GSG1L: variants seen among roughly 807,000 people sequenced by gnomAD.
GSG1L encodes GSG1 like.
Under a neutral mutation model 42.1 loss-of-function variants are expected in GSG1L, and 24 were observed. The ratio of observed to expected loss-of-function variants is 0.57; its 90% CI spans 0.41 to 0.80. The LOEUF (loss-of-function observed/expected upper bound fraction) is 0.80. GSG1L is among the 30% of genes least tolerant of loss of function. The pLI is 0.00. For missense variants in GSG1L, 445 were observed against 472.2 expected (o/e 0.94, Z 0.53); for synonymous variants, 215 against 203.5 (o/e 1.06, Z -0.48).
chr16:27,827,856 TTCCA>T (rs72231743), intron 5 of GSG1L, among the ~76,000 whole-genome samples: 30,971 of 127,884 alleles, frequency 0.24, 3,710 homozygotes, highest in African/African-American at 0.37. Flanking sequence ...CCACTCACCA[TTCCA>T]TCCATCCATC....
intron 3 of GSG1L, among the ~76,000 whole-genome samples, chr16:27,861,038 A>C (rs16977025): frequency 0.02 from 3,022 of 152,244 alleles, 114 homozygotes; most frequent in African/African-American, 0.07. Context: ...CATTAGCCTG[A>C]ACCCTCTAAT....
intron 1 of GSG1L, among the ~76,000 whole-genome samples, chr16:27,975,895 A>G (rs1341280763): frequency 6.6e-6 from 1 of 152,174 alleles, no homozygotes; most frequent in African/African-American, 2.4e-5. Flanking sequence ...CCCTCACGGA[A>G]CTTCCATTCT....
intron 1 of GSG1L, among the ~76,000 whole-genome samples, chr16:28,010,440 G>GC (rs1009806262): frequency 4.6e-5 from 7 of 152,256 alleles, no homozygotes; most frequent in African/African-American, 1.4e-4. Context: ...GGACACAGAG[G>GC]CCCCCTCTGA....
chr16:27,824,364 C>T (rs989743431), intron 5 of GSG1L, among the ~76,000 whole-genome samples: 1 of 152,184 alleles, frequency 6.6e-6, no homozygotes, highest in Non-Finnish European at 1.5e-5. Flanking sequence ...TTCCACAGCA[C>T]CCTCTGTCCC....
At chr16:27,947,156 T>C (rs2084882369) in intron 2 of GSG1L, among the ~76,000 whole-genome samples, 1 of 152,150 alleles carries the variant, frequency 6.6e-6, no homozygotes, top group African/African-American at 2.4e-5. Flanking sequence ...AGACAGAGTC[T>C]TGCTCTGTCA....
chr16:27,863,024 T>C (rs1194636719), intron 3 of GSG1L, among the ~76,000 whole-genome samples: 1 of 152,212 alleles, frequency 6.6e-6, no homozygotes. Context: ...TTTTGTCTGT[T>C]TCTCCATTAG....
intron 5 of GSG1L, 39 bp from the exon 6 acceptor site, chr16:27,807,593 G>T: frequency 6.4e-7 from 1 of 1,563,746 alleles, no homozygotes. Context: ...TCCTAGGTAG[G>T]AAAGAGAAGG....
intron 2 of GSG1L, among the ~76,000 whole-genome samples, chr16:27,889,028 G>A (rs144369687): frequency 2.4e-3 from 371 of 151,864 alleles, no homozygotes; most frequent in African/African-American, 8.2e-3. Flanking sequence ...TCTTTGTCCA[G>A]GCTGGAGAGC....
chr16:28,003,366 G>T (rs1567551665), intron 1 of GSG1L, among the ~76,000 whole-genome samples: 1 of 152,192 alleles, frequency 6.6e-6, no homozygotes, highest in Non-Finnish European at 1.5e-5. Flanking sequence ...TGGGAGCTGG[G>T]CAACCTCTCT....
Position 28,063,369 on chromosome 16 carries a change from G to T in GSG1L, c.56C>A (p.Ala19Glu). ...GAAAGCGGTGGTGGCGAACAGCAGC[G>T]CCAGCAGGTTCAGGGCCACGGCCAG... ...ALLAVALNLL[A>E]LLFATTAFLT... The change falls in exon 1 of 7, where the codon GCG (alanine) becomes GAG (glutamate). Residue 19 changes from alanine (A) to glutamate (E), a missense_variant. Ala to Glu is a moderately radical substitution (Grantham distance 107). Coordinates refer to ENST00000447459, the MANE Select transcript of GSG1L (RefSeq NM_001109763.2). The surrounding 1 kb of genome is among the most constrained non-coding windows in gnomAD (Gnocchi z 5.8). 7.1e-7 allele frequency: 1 copy of T among 1,401,196 alleles called. No individual in the cohort carries two copies. Among genetic ancestry groups the T allele is most frequent in the Non-Finnish European group, 9.3e-7 (1 of 1,070,342 alleles). 86.8% of individuals were successfully genotyped at this position (1,401,196 alleles called of 1,614,324 possible).
At chr16:27,803,780 TATATATATATATATAGATAG>T (rs1279376801) in intron 6 of GSG1L, among the ~76,000 whole-genome samples, 971 of 83,070 alleles carry the variant, frequency 0.012, 21 homozygotes, top group African/African-American at 0.046. Context: ...TATATATATA[TATATATATATATATAGATAG>T]ATAGATATAG....
chr16:27,831,622 T>G (rs996992612), intron 4 of GSG1L, among the ~76,000 whole-genome samples: 5 of 152,210 alleles, frequency 3.3e-5, no homozygotes, highest in African/African-American at 1.2e-4. Context: ...TGGAGGGAAC[T>G]TCCCTGGGGA....
rs549507433 is a variant in GSG1L at position 27,830,672 on chromosome 16, C to G, written c.663-1716G>C. On this transcript the variant is annotated intron_variant, in intron 4 of 6. Transcript: ENST00000447459. The stretch of plus-strand genomic sequence containing the variant: ...AAAGTGTCCAGCATGTGACTCACCA[C>G]CCCCCACCATTCATAGATGACGGGA... 2.1e-4 allele frequency among the ~76,000 whole-genome samples: 32 copies of G among 152,296 alleles called. No individual in the cohort carries two copies. In the East Asian group the frequency reaches 3.3e-3, roughly 16 times the overall value.
intron 4 of GSG1L, 96 bp downstream of exon 4, chr16:27,844,854 C>T (rs1373833813): frequency 1.1e-5 from 3 of 279,126 alleles, no homozygotes; most frequent in South Asian, 1.1e-4. Flanking sequence ...CTCCTCCCCC[C>T]CACCGCCCCC....
At chr16:28,022,808 C>T (rs2085859403) in intron 1 of GSG1L, among the ~76,000 whole-genome samples, 1 of 152,172 alleles carries the variant, frequency 6.6e-6, no homozygotes. Flanking sequence ...GCTGGGACTA[C>T]AGGCATGCGC....
At chr16:27,923,412 C>A (rs1328928153) in intron 2 of GSG1L, among the ~76,000 whole-genome samples, 1 of 152,164 alleles carries the variant, frequency 6.6e-6, no homozygotes, top group Admixed American at 6.5e-5. Context: ...GGAGAGGAGA[C>A]CTCACCAGAA....
intron 2 of GSG1L, among the ~76,000 whole-genome samples, chr16:27,920,338 G>T (rs1045016546): frequency 6.6e-6 from 1 of 152,160 alleles, no homozygotes; most frequent in Non-Finnish European, 1.5e-5. Flanking sequence ...TCCCCACTTG[G>T]ACCTGAGTTG....
At chr16:27,976,073 G>A (rs183179147) in intron 1 of GSG1L, among the ~76,000 whole-genome samples, 15 of 152,244 alleles carry the variant, frequency 9.9e-5, no homozygotes, top group African/African-American at 3.1e-4. Context: ...TCAGGCGTTC[G>A]AGACCAGCCT....
At chr16:27,801,539 T>C (rs2082882349) in intron 6 of GSG1L, among the ~76,000 whole-genome samples, 1 of 152,158 alleles carries the variant, frequency 6.6e-6, no homozygotes, top group Non-Finnish European at 1.5e-5. Context: ...CGTCCAGGCA[T>C]TTCCAAAATA....
Sources: allele counts gnomAD v4.1 joint callset (sites outside exome capture counted in the v4.1 genomes callset), GRCh38; gene constraint gnomAD v4.1.1; non-coding constraint Gnocchi (gnomAD v3.1); transcripts MANE v1.5; gene names NCBI Gene and HGNC (gene_info 2026-07-23, HGNC 2026-07-21).